Variants in PPME1 observed in about 807,000 individuals in gnomAD.
PPME1 encodes the protein protein phosphatase methylesterase 1.
Under a neutral mutation model 56.9 loss-of-function variants are expected in PPME1, and 17 were observed. The ratio of observed to expected loss-of-function variants is 0.30; its 90% CI spans 0.20 to 0.45. PPME1 has a LOEUF of 0.45. PPME1 is among the 20% of genes least tolerant of loss of function. The probability of loss-of-function intolerance (pLI) is 1.00; values close to 1 mark genes in which losing one functional copy is unlikely to be tolerated. For synonymous variants in PPME1, 122 were observed against 156.2 expected (o/e 0.78, Z 1.63); for missense variants, 357 against 483.2 (o/e 0.74, Z 2.45).
chr11:74,186,320 C>T (rs1857681485), intron 1 of PPME1, among the ~76,000 whole-genome samples: 1 of 152,178 alleles, frequency 6.6e-6, no homozygotes, highest in African/African-American at 2.4e-5. Flanking sequence ...TTCTCCCAAT[C>T]ATTACTATCC....
intron 7 of PPME1, 90 bp downstream of exon 7, chr11:74,231,092 C>G: frequency 1.8e-6 from 2 of 1,126,884 alleles, no homozygotes; most frequent in Admixed American, 4.1e-5. Context: ...AGGCCTCACT[C>G]TGTCACCCAG....
intron 3 of PPME1, among the ~76,000 whole-genome samples, chr11:74,212,031 A>T (rs1211517846): frequency 1.3e-5 from 2 of 152,250 alleles, no homozygotes; most frequent in Non-Finnish European, 2.9e-5. Flanking sequence ...CCTTCATAAG[A>T]ACCAAAAATC....
chr11:74,175,654 C>G (rs1471258501), intron 1 of PPME1, among the ~76,000 whole-genome samples: 1 of 151,928 alleles, frequency 6.6e-6, no homozygotes, highest in Non-Finnish European at 1.5e-5. Context: ...AACTCGTGGG[C>G]TCAAGCAGTC....
At chr11:74,238,087 C>A (rs1284552741) in intron 8 of PPME1, 2 of 151,928 alleles carry the variant, frequency 1.3e-5, no homozygotes, top group Non-Finnish European at 2.9e-5. Flanking sequence ...ACTTTCCTGC[C>A]CCTTATAATC....
At chr11:74,187,389 C>G (rs887647346) in intron 1 of PPME1, among the ~76,000 whole-genome samples, 2 of 152,010 alleles carry the variant, frequency 1.3e-5, no homozygotes, top group Admixed American at 1.3e-4. Flanking sequence ...GGATGTCTTT[C>G]TTTTTATGTC....
At chr11:74,178,029 TG>T (rs1857442264) in intron 1 of PPME1, among the ~76,000 whole-genome samples, 1 of 152,246 alleles carries the variant, frequency 6.6e-6, no homozygotes, top group Admixed American at 6.5e-5. Flanking sequence ...ATCAGTTTAC[TG>T]TAGTTTAAAC....
rs533775571 is a variant in PPME1 at position 74,253,850 on chromosome 11, C to G, written c.*340C>G. The G allele has an allele frequency of 2.7e-5, 12 of 445,426 alleles. No individual in the cohort carries two copies. The highest frequency in any genetic ancestry group is 7.6e-5 in the East Asian group (2 of 26,280). 27.6% of individuals were successfully genotyped at this position (445,426 alleles called of 1,614,324 possible). A position where few individuals can be genotyped will look rare whatever the true frequency, so the allele number is the denominator to read the frequency against. Reference sequence around the variant, plus strand: ...CTCTTCCTAGCATCAGGCGATACATCTGAGTTCAAATGTCTTCCCAGGCTC... The same window carrying G: ...CTCTTCCTAGCATCAGGCGATACATGTGAGTTCAAATGTCTTCCCAGGCTC... On this transcript the variant is annotated 3_prime_UTR_variant, in exon 14 of 14. Transcript: ENST00000328257.
intron 3 of PPME1, among the ~76,000 whole-genome samples, chr11:74,221,147 AG>A (rs752072950): frequency 2.0e-5 from 3 of 152,138 alleles, no homozygotes; most frequent in Non-Finnish European, 2.9e-5. Flanking sequence ...TTCAAGTTAA[AG>A]GTTGGAATTT....
At chr11:74,215,190 A>G (rs990477200) in intron 3 of PPME1, among the ~76,000 whole-genome samples, 1 of 152,124 alleles carries the variant, frequency 6.6e-6, no homozygotes, top group African/African-American at 2.4e-5. Flanking sequence ...TACAACAAAA[A>G]ATTGACTAAG....
intron 1 of PPME1, among the ~76,000 whole-genome samples, chr11:74,193,801 T>C (rs933751489): frequency 2.0e-5 from 3 of 152,230 alleles, no homozygotes; most frequent in African/African-American, 7.2e-5. Flanking sequence ...ATTCTTTTCA[T>C]TCTAGGAGCT....
chr11:74,211,867 G>A (rs1439437211), intron 3 of PPME1, among the ~76,000 whole-genome samples: 2 of 152,046 alleles, frequency 1.3e-5, no homozygotes, highest in Admixed American at 1.3e-4. Context: ...TATAAAAATG[G>A]GACTACCTTA....
At chr11:74,199,106 T>C (rs1324376565) in intron 1 of PPME1, among the ~76,000 whole-genome samples, 1 of 152,214 alleles carries the variant, frequency 6.6e-6, no homozygotes, top group Non-Finnish European at 1.5e-5. Flanking sequence ...TGGGTCCTTA[T>C]CTGCCTGAAA....
intron 1 of PPME1, among the ~76,000 whole-genome samples, chr11:74,195,853 A>C (rs978820617): frequency 6.6e-6 from 1 of 152,236 alleles, no homozygotes; most frequent in African/African-American, 2.4e-5. Flanking sequence ...AGGGAAAAGC[A>C]TATTAATGTC....
intron 1 of PPME1, among the ~76,000 whole-genome samples, chr11:74,202,188 C>T (rs1337626625): frequency 1.3e-5 from 2 of 152,334 alleles, no homozygotes; most frequent in Non-Finnish European, 2.9e-5. Flanking sequence ...TTGAACTCCT[C>T]TGTCATTCCA....
chr11:74,235,883 C>G lies in PPME1; in HGVS notation c.645-18C>G. ...AGATACTGAATAACCTTCTCTCTTC[C>G]TTTCTTTTCTTTCCCAGTGTGAAGA... On this transcript the variant is annotated intron_variant, in intron 7 of 13. Coordinates refer to ENST00000328257, the MANE Select transcript of PPME1 (RefSeq NM_016147.3). 6 of 1,604,454 alleles carry G rather than the reference C, an allele frequency of 3.7e-6. No homozygotes were observed. The highest frequency in any genetic ancestry group is 2.2e-5 in the East Asian group (1 of 44,666).
At chr11:74,218,449 C>T (rs771672052) in intron 3 of PPME1, among the ~76,000 whole-genome samples, 3 of 152,064 alleles carry the variant, frequency 2.0e-5, no homozygotes, top group Non-Finnish European at 4.4e-5. Flanking sequence ...CCAAAGCTAT[C>T]CTGATAGAAA....
intron 3 of PPME1, among the ~76,000 whole-genome samples, chr11:74,212,946 ACT>A (rs1358156254): frequency 6.6e-6 from 1 of 152,046 alleles, no homozygotes; most frequent in Non-Finnish European, 1.5e-5. Context: ...ATGAGGAAGG[ACT>A]CTTTCTGATT....
At chr11:74,222,185 G>T in intron 3 of PPME1, 127 bp from the exon 4 acceptor site, 1 of 703,424 alleles carries the variant, frequency 1.4e-6, no homozygotes, top group Non-Finnish European at 2.4e-6. Flanking sequence ...CTTAAAACTA[G>T]AAAGTCTTTT....
Position 74,230,887 on chromosome 11 carries a change from G to A in PPME1, c.554-25G>A, listed in dbSNP as rs758724000. The A allele has an allele frequency of 1.3e-6, 2 of 1,522,900 alleles. No individual in the cohort carries two copies. The highest frequency in any genetic ancestry group is 1.2e-5 in the South Asian group (1 of 84,560). 94.3% of individuals were successfully genotyped at this position (1,522,900 alleles called of 1,614,324 possible). A position where few individuals can be genotyped will look rare whatever the true frequency, so the allele number is the denominator to read the frequency against. ...ATGCTCAGAATAAGTTAAATATGTG[G>A]TTACAGTTTTTGTTTAACATCCAGG... On this transcript the variant is annotated intron_variant, in intron 6 of 13. Coordinates refer to ENST00000328257, the MANE Select transcript of PPME1 (RefSeq NM_016147.3). This position sits in a 1 kb window ranked among gnomAD's most constrained non-coding sequence, Gnocchi z 4.9.
Sources: allele counts gnomAD v4.1 joint callset (sites outside exome capture counted in the v4.1 genomes callset), GRCh38; gene constraint gnomAD v4.1.1; non-coding constraint Gnocchi (gnomAD v3.1); transcripts MANE v1.5; gene names NCBI Gene and HGNC (gene_info 2026-07-23, HGNC 2026-07-21).